The following MAGI3 variants were observed in gnomAD, a reference collection of about 807,000 sequenced individuals.
The protein encoded by MAGI3 is membrane associated guanylate kinase, WW and PDZ domain containing 3, also known as membrane-associated guanylate kinase, WW and PDZ domain-containing protein 3.
MAGI3 carries 43 observed loss-of-function variants against 121.8 expected under a neutral mutation model. The observed-to-expected ratio is 0.35, with a 90% CI of 0.28 to 0.46. MAGI3 has a LOEUF of 0.46. MAGI3 is among the 20% of genes least tolerant of loss of function. The pLI is 1.00. For missense variants in MAGI3, 1,547 were observed against 1,797.3 expected, an observed-to-expected ratio of 0.86 and a Z score of 2.52; for synonymous variants, 553 against 639.3, an observed-to-expected ratio of 0.86 and a Z score of 2.04.
intron 1 of MAGI3, among the ~76,000 whole-genome samples, chr1:113,471,929 A>G (rs1172818144): frequency 6.6e-6 from 1 of 152,148 alleles, no homozygotes; most frequent in Non-Finnish European, 1.5e-5. Flanking sequence ...TGCTTTGTTT[A>G]TTAATATTTA....
At chr1:113,525,689 A>T (rs1020671756) in intron 1 of MAGI3, among the ~76,000 whole-genome samples, 1 of 151,996 alleles carries the variant, frequency 6.6e-6, no homozygotes, top group Non-Finnish European at 1.5e-5. Flanking sequence ...TAAATAATGG[A>T]GATAATTTGG....
intron 19 of MAGI3, among the ~76,000 whole-genome samples, chr1:113,677,765 T>C (rs540745208): frequency 1.5e-4 from 23 of 152,226 alleles, no homozygotes; most frequent in Non-Finnish European, 2.9e-4. Context: ...TTCCTCTCTC[T>C]TCTCTGTCCC....
At chr1:113,594,948 T>G (rs1431108713) in intron 6 of MAGI3, among the ~76,000 whole-genome samples, 1 of 152,206 alleles carries the variant, frequency 6.6e-6, no homozygotes, top group Non-Finnish European at 1.5e-5. Context: ...TTAGTATACA[T>G]TACAGTAGAT....
chr1:113,515,894 T>A (rs567725505), intron 1 of MAGI3, among the ~76,000 whole-genome samples: 1 of 152,214 alleles, frequency 6.6e-6, no homozygotes, highest in Non-Finnish European at 1.5e-5. Context: ...TGTTGAATTG[T>A]ACTATTATAG....
chr1:113,513,842 G>A (rs1468367246), intron 1 of MAGI3, among the ~76,000 whole-genome samples: 2 of 152,126 alleles, frequency 1.3e-5, no homozygotes, highest in East Asian at 1.9e-4. Flanking sequence ...TGAACAGGCA[G>A]CCTACAAAAC....
At position 113,601,526 on chromosome 1, in the gene MAGI3, C is replaced by A. The variant is rs539958793; in HGVS notation, c.1018+6966C>A. Among the ~76,000 whole-genome samples the A allele has an allele frequency of 1.4e-4, 21 of 148,276 alleles. No individual in the cohort carries two copies. The East Asian group carries it at 3.9e-3, about 28-fold the overall frequency. On this transcript the variant is annotated intron_variant, in intron 6 of 20. Coordinates refer to ENST00000307546, the MANE Select transcript of MAGI3 (RefSeq NM_001142782.2). ...GCAAATCAAAACCACAATGAGATAC[C>A]ATCTCACACCAGTTAGAATGGCAAT... is the stretch of plus-strand genomic sequence containing the variant.
Position 113,565,589 on chromosome 1 carries a change from A to C in MAGI3, c.434-14953A>C, listed in dbSNP as rs577304256. Among the ~76,000 whole-genome samples, 395 of 152,340 alleles carry C rather than the reference A, an allele frequency of 2.6e-3. 1 individual carries two copies. The highest frequency in any genetic ancestry group is 8.2e-3 in the African/African-American group (342 of 41,562). On this transcript the variant is annotated intron_variant, in intron 2 of 20. Coordinates refer to ENST00000307546, the MANE Select transcript of MAGI3 (RefSeq NM_001142782.2). ...TTATTGGATAGTATTCAAATAACCT[A>C]ACATTTAGATTTCTGAGCATGGTTA...
At chr1:113,613,836 G>T (rs2101774183) in intron 6 of MAGI3, among the ~76,000 whole-genome samples, 1 of 152,268 alleles carries the variant, frequency 6.6e-6, no homozygotes, top group South Asian at 2.1e-4. Context: ...TGCAGACAAA[G>T]TGGGAGGGAA....
intron 16 of MAGI3, among the ~76,000 whole-genome samples, chr1:113,668,603 T>G (rs1249354643): frequency 8.6e-6 from 1 of 116,684 alleles, no homozygotes; most frequent in Non-Finnish European, 1.6e-5. Flanking sequence ...TGAGACGGAG[T>G]CTCGCTCTGT....
At chr1:113,595,027 T>C (rs1648912626) in intron 6 of MAGI3, among the ~76,000 whole-genome samples, 1 of 152,278 alleles carries the variant, frequency 6.6e-6, no homozygotes, top group Admixed American at 6.5e-5. Context: ...GTCTTTAATA[T>C]AGGCCCCCAC....
chr1:113,439,422 C>T (rs1034352150), intron 1 of MAGI3, among the ~76,000 whole-genome samples: 2 of 152,192 alleles, frequency 1.3e-5, no homozygotes, highest in African/African-American at 4.8e-5. Flanking sequence ...CTGCTATTGC[C>T]CTTCCCTTTC....
intron 1 of MAGI3, among the ~76,000 whole-genome samples, chr1:113,439,037 G>A (rs1450007779): frequency 2.0e-5 from 3 of 152,138 alleles, no homozygotes; most frequent in African/African-American, 7.2e-5. Context: ...GAGCTTTGGG[G>A]CCATTATTAA....
Position 113,673,473 on chromosome 1 carries a change from G to C in MAGI3, c.3189+8G>C, listed in dbSNP as rs1408308625. 1.2e-6 allele frequency: 2 copies of C among 1,611,698 alleles called. No homozygotes were observed. The highest frequency in any genetic ancestry group is 1.7e-6 in the Non-Finnish European group (2 of 1,179,560). On this transcript the variant is annotated splice_region_variant and intron_variant, in intron 19 of 20. Coordinates refer to ENST00000307546, the MANE Select transcript of MAGI3 (RefSeq NM_001142782.2). ...AAAGATGGCAGAATTCATGTGAGTTGGTTTCTGTCTGTAACCTTAGGTTCA... is the reference window on the plus strand; with the variant it reads ...AAAGATGGCAGAATTCATGTGAGTTCGTTTCTGTCTGTAACCTTAGGTTCA...
chr1:113,391,350 G>A lies in MAGI3; in HGVS notation c.316+1G>A. The A allele has an allele frequency of 6.3e-7, 1 of 1,589,606 alleles. No homozygotes were observed. The highest frequency in any genetic ancestry group is 2.3e-5 in the East Asian group (1 of 43,022). On this transcript the variant is annotated splice_donor_variant, in intron 1 of 20. Coordinates refer to ENST00000307546, the MANE Select transcript of MAGI3 (RefSeq NM_001142782.2). LOFTEE classifies it high-confidence loss of function. The surrounding 1 kb of genome is among the most constrained non-coding windows in gnomAD (Gnocchi z 4.4). Reference sequence around the variant, plus strand: ...ATCCGTCTCAAGACTGTGAAACCAGGTACGCCGGCCCTGCGTATCTGTCTC... The same window carrying A: ...ATCCGTCTCAAGACTGTGAAACCAGATACGCCGGCCCTGCGTATCTGTCTC...
At chr1:113,594,328 T>C (rs1369953531) in intron 5 of MAGI3, among the ~76,000 whole-genome samples, 153 bp from the exon 6 acceptor site, 1 of 152,210 alleles carries the variant, frequency 6.6e-6, no homozygotes, top group African/African-American at 2.4e-5. Context: ...CTGAGAACAA[T>C]AGGGTTAATG....
intron 1 of MAGI3, among the ~76,000 whole-genome samples, chr1:113,482,817 T>C (rs1297506996): frequency 6.6e-6 from 1 of 152,010 alleles, no homozygotes. Context: ...TCCCCCTTTT[T>C]TTTTTTGAGA....
intron 16 of MAGI3, among the ~76,000 whole-genome samples, chr1:113,661,346 C>T (rs1033862121): frequency 6.6e-6 from 1 of 152,170 alleles, no homozygotes; most frequent in African/African-American, 2.4e-5. Context: ...AAATGCTTGA[C>T]ATATATTAAC....
intron 2 of MAGI3, among the ~76,000 whole-genome samples, chr1:113,550,500 A>G (rs1659733442): frequency 6.6e-6 from 1 of 151,904 alleles, no homozygotes; most frequent in Non-Finnish European, 1.5e-5. Context: ...AAGATTATAT[A>G]ATCCCAGCAC....
intron 6 of MAGI3, among the ~76,000 whole-genome samples, chr1:113,612,165 A>G (rs1464956298): frequency 6.6e-6 from 1 of 151,992 alleles, no homozygotes; most frequent in African/African-American, 2.4e-5. Flanking sequence ...GATGGTCTCG[A>G]TCTCTTGACC....
Sources: gnomAD v4.1 joint callset for allele counts (sites outside exome capture counted in the v4.1 genomes callset) on GRCh38, gnomAD v4.1.1 for gene constraint, Gnocchi (gnomAD v3.1) non-coding constraint, MANE v1.5 for transcripts, NCBI Gene and HGNC (gene_info 2026-07-23, HGNC 2026-07-21) for gene names.